Variants in ANK1 observed in about 807,000 individuals in gnomAD.
ANK1 encodes ankyrin-1.
Under a neutral mutation model 210.4 loss-of-function variants are expected in ANK1, and 51 were observed. The ratio of observed to expected loss-of-function variants is 0.24; its 90% CI spans 0.19 to 0.31. The LOEUF is 0.31. Among genes scored for constraint, ANK1 ranks in the 10% least tolerant of loss-of-function variants. The probability of loss-of-function intolerance (pLI) is 1.00; values close to 1 mark genes in which losing one functional copy is unlikely to be tolerated. For missense variants in ANK1, 2,051 were observed against 2,504.4 expected, an observed-to-expected ratio of 0.82 and a Z score of 3.86; for synonymous variants, 967 against 1,025.9, an observed-to-expected ratio of 0.94 and a Z score of 1.10.
intron 1 of ANK1, among the ~76,000 whole-genome samples, chr8:41,817,319 G>A (rs940214721): frequency 2.6e-5 from 4 of 152,142 alleles, no homozygotes; most frequent in African/African-American, 9.7e-5. Context: ...TTAAATGCAA[G>A]ACACTTTTGT....
chr8:41,833,767 C>T (rs1052673815), intron 1 of ANK1, among the ~76,000 whole-genome samples: 3 of 152,108 alleles, frequency 2.0e-5, no homozygotes, highest in Non-Finnish European at 4.4e-5. Context: ...CAGAACAATC[C>T]TGGCACTCAA....
intron 13 of ANK1, 96 bp from the exon 14 acceptor site, chr8:41,715,945 C>A: frequency 2.8e-6 from 4 of 1,423,292 alleles, no homozygotes; most frequent in Non-Finnish European, 3.9e-6. Flanking sequence ...CCAGAGAGGG[C>A]AAGTGACCTT....
At chr8:41,725,081 C>T (rs1427460267) in intron 6 of ANK1, among the ~76,000 whole-genome samples, 1 of 152,212 alleles carries the variant, frequency 6.6e-6, no homozygotes, top group East Asian at 1.9e-4. Flanking sequence ...AGGCTGGTCT[C>T]CAATTCCTGG....
chr8:41,711,807 C>T (rs536307404), intron 16 of ANK1, among the ~76,000 whole-genome samples: 33 of 152,284 alleles, frequency 2.2e-4, no homozygotes, highest in African/African-American at 6.5e-4. Flanking sequence ...TTTCTCAGGA[C>T]CTCTTGATGC....
chr8:41,699,599 C>T (rs1367972949), intron 22 of ANK1, 51 bp from the exon 23 acceptor site: 1 of 1,566,968 alleles, frequency 6.4e-7, no homozygotes, highest in South Asian at 1.1e-5. Flanking sequence ...AGAAGAGTCC[C>T]TCTTTTTTTA....
intron 1 of ANK1, among the ~76,000 whole-genome samples, chr8:41,889,549 C>A (rs1819039951): frequency 6.6e-6 from 1 of 152,182 alleles, no homozygotes; most frequent in Non-Finnish European, 1.5e-5. Flanking sequence ...GAATGGTGCT[C>A]TCTTTTTTTA....
chr8:41,729,333 G>A (rs1831520848), intron 3 of ANK1, among the ~76,000 whole-genome samples: 2 of 152,194 alleles, frequency 1.3e-5, no homozygotes, highest in African/African-American at 4.8e-5. Context: ...TAAAAGATAA[G>A]AACCAATAGC....
At chr8:41,692,327 G>A (rs1819503938) in intron 31 of ANK1, among the ~76,000 whole-genome samples, 1 of 152,248 alleles carries the variant, frequency 6.6e-6, no homozygotes, top group Non-Finnish European at 1.5e-5. Context: ...AAAGTGTTGA[G>A]ATGAAAGGCG....
At chr8:41,798,202 G>A (rs947877240), upstream of ANK1, among the ~76,000 whole-genome samples, 3 of 151,832 alleles carry the variant, frequency 2.0e-5, no homozygotes, top group Admixed American at 2.0e-4. Context: ...CGGCCCCTCC[G>A]CCCCCCGGGG....
At chr8:41,720,678 T>C (rs1264827121) in intron 9 of ANK1, among the ~76,000 whole-genome samples, 1 of 152,002 alleles carries the variant, frequency 6.6e-6, no homozygotes, top group Non-Finnish European at 1.5e-5. Context: ...AGCACAGAGT[T>C]GTGCACAAAC....
At chr8:41,752,788 G>A (rs1457582499) in intron 2 of ANK1, among the ~76,000 whole-genome samples, 1 of 91,640 alleles carries the variant, frequency 1.1e-5, no homozygotes, top group African/African-American at 3.4e-5. Context: ...GCGCTGCTGG[G>A]CACACACAGG....
intron 39 of ANK1, 81 bp from the exon 40 acceptor site, chr8:41,663,823 A>G (rs893261883): frequency 9.7e-6 from 11 of 1,131,912 alleles, no homozygotes; most frequent in Non-Finnish European, 1.5e-5. Context: ...GAAATGAAAC[A>G]GCAGTAGCCA....
At chr8:41,892,269 AT>A (rs1476539408) in intron 1 of ANK1, among the ~76,000 whole-genome samples, 1 of 151,116 alleles carries the variant, frequency 6.6e-6, no homozygotes, top group African/African-American at 2.4e-5. Flanking sequence ...TGTGATTCCA[AT>A]CACTGGATCA....
In ANK1 at chr8:41,688,155, C is replaced by T; in HGVS notation, c.4258+1G>A. 6.2e-7 allele frequency: 1 copy of T among 1,614,240 alleles called. No individual in the cohort carries two copies. The highest frequency in any genetic ancestry group is 8.5e-7 in the Non-Finnish European group (1 of 1,180,032). On this transcript the variant is annotated splice_donor_variant, in intron 35 of 42. Coordinates refer to ENST00000289734, the MANE Select transcript of ANK1 (RefSeq NM_000037.4). LOFTEE classifies it high-confidence loss of function. Reference sequence around the variant, plus strand: ...TTTTCTGCCCCCAATTCCCCACTCACCTGCCCAGCTGAGACCGAGGTGCTC... The same window carrying T: ...TTTTCTGCCCCCAATTCCCCACTCATCTGCCCAGCTGAGACCGAGGTGCTC...
intron 2 of ANK1, 65 bp downstream of exon 2, chr8:41,757,971 T>G: frequency 7.0e-7 from 1 of 1,437,358 alleles, no homozygotes; most frequent in Non-Finnish European, 9.8e-7. Flanking sequence ...TTCAAAGCTC[T>G]CAGGAAATGG....
intron 1 of ANK1, among the ~76,000 whole-genome samples, chr8:41,876,350 C>G (rs922637864): frequency 2.0e-5 from 3 of 152,216 alleles, no homozygotes; most frequent in Non-Finnish European, 4.4e-5. Context: ...GTTCTCTGGC[C>G]GCGACTCAGC....
chr8:41,733,857 A>G (rs1353721309), intron 3 of ANK1, 114 bp downstream of exon 3: 2 of 874,506 alleles, frequency 2.3e-6, no homozygotes, highest in Admixed American at 3.6e-5. Flanking sequence ...GATTGGAAGG[A>G]TAAGAGAAAT....
Position 41,661,891 on chromosome 8 carries a change from G to A in ANK1, c.5529C>T (p.Ala1843=). 1 of 1,614,092 alleles carries A rather than the reference G, an allele frequency of 6.2e-7. No homozygotes were observed. Among genetic ancestry groups the A allele is most frequent in the Non-Finnish European group, 8.5e-7 (1 of 1,179,994 alleles). ...RQIDLSSADA[A]QEHEEVELRG... ...CTACAGTCACCTCCTCGTGCTCCTG[G>A]GCGGCATCGGCGCTGGACAAGTCTA... The change falls in exon 41 of 43, where the codon GCC becomes GCT. Residue 1843 remains alanine, a synonymous_variant. Coordinates refer to ENST00000289734, the MANE Select transcript of ANK1 (RefSeq NM_000037.4).
At chr8:41,813,591 CA>C (rs896706490) in intron 1 of ANK1, among the ~76,000 whole-genome samples, 1 of 152,184 alleles carries the variant, frequency 6.6e-6, no homozygotes, top group Non-Finnish European at 1.5e-5. Flanking sequence ...TGAGCATTTA[CA>C]AAAGTGCAGC....
Sources: allele counts gnomAD v4.1 joint callset (sites outside exome capture counted in the v4.1 genomes callset), GRCh38; gene constraint gnomAD v4.1.1; transcripts MANE v1.5; gene names NCBI Gene and HGNC (gene_info 2026-07-23, HGNC 2026-07-21).